The following CNIH3 variants were observed in gnomAD, a reference collection of about 807,000 sequenced individuals.
CNIH3 encodes protein cornichon homolog 3.
In CNIH3, 14 loss-of-function variants were observed where a neutral mutation model predicts 24.1. The ratio of observed to expected loss-of-function variants is 0.58; its 90% CI spans 0.38 to 0.91. CNIH3 has a LOEUF of 0.91. CNIH3 is among the 40% of genes least tolerant of loss of function. The pLI is 0.00. For missense variants in CNIH3, 178 were observed against 196.8 expected, an observed-to-expected ratio of 0.90 and a Z score of 0.57; for synonymous variants, 68 against 73.8, an observed-to-expected ratio of 0.92 and a Z score of 0.40.
At position 224,681,340 on chromosome 1, in the gene CNIH3, C is replaced by G. The variant is rs529152221; in HGVS notation, c.150+314C>G. Among the ~76,000 whole-genome samples, 8 of 152,268 alleles carry G rather than the reference C, an allele frequency of 5.3e-5. No homozygotes were observed. The South Asian group carries it at 6.2e-4, about 12-fold the overall frequency. On this transcript the variant is annotated intron_variant, in intron 2 of 5. Transcript: ENST00000272133. ...TCATCCTTAAACAAGAAAAGAGGCT[C>G]CATGTTGGCCAGCATGTTTGCAGGC...
At chr1:224,454,453 T>C in intron 1 of CNIH3, 2 of 411,610 alleles carry the variant, frequency 4.9e-6, no homozygotes, top group South Asian at 1.0e-4. Flanking sequence ...GTGTAGTCTG[T>C]TTACATTTCT....
intron 3 of CNIH3, among the ~76,000 whole-genome samples, chr1:224,696,373 G>A (rs74601226): frequency 0.041 from 6,193 of 152,340 alleles, 187 homozygotes; most frequent in East Asian, 0.11. Context: ...TCTTGATTCT[G>A]TGGGGCTGTG....
intron 3 of CNIH3, among the ~76,000 whole-genome samples, chr1:224,709,244 A>G (rs1687996482): frequency 2.0e-5 from 3 of 150,986 alleles, no homozygotes; most frequent in Non-Finnish European, 2.9e-5. Flanking sequence ...GCGGCTCCAA[A>G]TCTATGCATC....
chr1:224,658,431 T>C (rs777725485), intron 1 of CNIH3, among the ~76,000 whole-genome samples: 11 of 152,054 alleles, frequency 7.2e-5, no homozygotes, highest in Non-Finnish European at 5.9e-5. Flanking sequence ...CCTCCCAAAG[T>C]GCTGGAATTA....
intron 2 of CNIH3, among the ~76,000 whole-genome samples, chr1:224,683,147 G>A (rs1686484895): frequency 6.6e-6 from 1 of 152,178 alleles, no homozygotes; most frequent in Non-Finnish European, 1.5e-5. Flanking sequence ...GAATATTGAA[G>A]TGGTGGCATA....
At chr1:224,625,266 T>A (rs1396367407) in intron 1 of CNIH3, among the ~76,000 whole-genome samples, 12 of 152,152 alleles carry the variant, frequency 7.9e-5, no homozygotes, top group Admixed American at 1.3e-4. Flanking sequence ...ATGCACATTT[T>A]TGTCCGGGCG....
intron 1 of CNIH3, among the ~76,000 whole-genome samples, chr1:224,487,059 A>AAT (rs1677058118): frequency 6.6e-6 from 1 of 152,170 alleles, no homozygotes; most frequent in Non-Finnish European, 1.5e-5. Context: ...ACCAAAATCT[A>AAT]ATTTCTGCTT....
chr1:224,722,882 G>A (rs1355996675), intron 3 of CNIH3, among the ~76,000 whole-genome samples: 1 of 152,202 alleles, frequency 6.6e-6, no homozygotes, highest in Non-Finnish European at 1.5e-5. Context: ...TGAGACCTGT[G>A]AATTCCGATG....
chr1:224,629,076 G>A (rs909903303), intron 1 of CNIH3, among the ~76,000 whole-genome samples: 1 of 150,554 alleles, frequency 6.6e-6, no homozygotes, highest in Non-Finnish European at 1.5e-5. Context: ...GCGTGATCTC[G>A]GCTCACTGCA....
chr1:224,585,087 C>T (rs976731291), intron 5 of CNIH3, among the ~76,000 whole-genome samples: 2 of 152,234 alleles, frequency 1.3e-5, no homozygotes, highest in Non-Finnish European at 2.9e-5. Context: ...CTCTGTAGCA[C>T]ATCACTCAAG....
chr1:224,667,081 C>T (rs970296640), intron 1 of CNIH3, among the ~76,000 whole-genome samples: 3 of 152,176 alleles, frequency 2.0e-5, no homozygotes, highest in African/African-American at 7.2e-5. Context: ...GCTCCCAGAA[C>T]AGTGCCTCAT....
At chr1:224,527,404 TCTTCA>T (rs1678888818) in intron 2 of CNIH3, among the ~76,000 whole-genome samples, 1 of 152,208 alleles carries the variant, frequency 6.6e-6, no homozygotes, top group African/African-American at 2.4e-5. Context: ...AACTTTATTT[TCTTCA>T]CTTCACAAAA....
chr1:224,653,810 TG>T (rs1684974355), intron 1 of CNIH3, among the ~76,000 whole-genome samples: 1 of 152,198 alleles, frequency 6.6e-6, no homozygotes. Context: ...CTGGGCATAG[TG>T]GTGCACACCT....
intron 1 of CNIH3, among the ~76,000 whole-genome samples, chr1:224,506,269 A>AAG (rs1399990330): frequency 1.5e-5 from 2 of 130,754 alleles, no homozygotes; most frequent in Non-Finnish European, 3.3e-5. Flanking sequence ...ATGCACGCAC[A>AAG]CGCGCGCGCG....
intron 3 of CNIH3, among the ~76,000 whole-genome samples, chr1:224,555,746 T>A (rs2124974143): frequency 6.6e-6 from 1 of 152,372 alleles, no homozygotes; most frequent in East Asian, 1.9e-4. Flanking sequence ...GAATTAGCAA[T>A]GTTCCTTTTA....
At chr1:224,438,052 A>G (rs1009488037) in intron 1 of CNIH3, among the ~76,000 whole-genome samples, 2 of 151,908 alleles carry the variant, frequency 1.3e-5, no homozygotes, top group Non-Finnish European at 2.9e-5. Flanking sequence ...AGCTGGGACT[A>G]CAGGCAACCA....
At chr1:224,655,166 G>A (rs747028092) in intron 1 of CNIH3, among the ~76,000 whole-genome samples, 1 of 148,560 alleles carries the variant, frequency 6.7e-6, no homozygotes, top group Non-Finnish European at 1.5e-5. Flanking sequence ...CTTCATGGGA[G>A]CTATAGTGGG....
chr1:224,513,063 A>T (rs1048086743), upstream of CNIH3, among the ~76,000 whole-genome samples: 5 of 152,162 alleles, frequency 3.3e-5, no homozygotes, highest in Non-Finnish European at 7.4e-5. Flanking sequence ...ATTATTAACC[A>T]TTTCTGTTTT....
chr1:224,711,406 G>C (rs1263549042), intron 3 of CNIH3, among the ~76,000 whole-genome samples: 1 of 149,622 alleles, frequency 6.7e-6, no homozygotes, highest in Non-Finnish European at 1.5e-5. Context: ...CTGCAGTCTT[G>C]AGCTACTGGG....
Sources: allele counts gnomAD v4.1 joint callset (sites outside exome capture counted in the v4.1 genomes callset), GRCh38; gene constraint gnomAD v4.1.1; transcripts MANE v1.5; gene names NCBI Gene and HGNC (gene_info 2026-07-23, HGNC 2026-07-21).